HCN1: variants seen among roughly 807,000 people sequenced by gnomAD.
The protein encoded by HCN1 is potassium/sodium hyperpolarization-activated cyclic nucleotide-gated channel 1.
Under a neutral mutation model 78.9 loss-of-function variants are expected in HCN1, and 13 were observed. The observed-to-expected ratio is 0.16, with a 90% confidence interval of 0.11 to 0.26. HCN1 has a LOEUF of 0.26. Among genes scored for constraint, HCN1 ranks in the 10% least tolerant of loss-of-function variants. The probability of loss-of-function intolerance (pLI) is 1.00; values close to 1 mark genes in which losing one functional copy is unlikely to be tolerated. For synonymous variants in HCN1, 552 were observed against 455.5 expected (o/e 1.21, Z -2.70); for missense variants, 810 against 1,154.3 (o/e 0.70, Z 4.32).
intron 3 of HCN1, among the ~76,000 whole-genome samples, chr5:45,415,180 GTTAT>G (rs1181064710): frequency 6.6e-6 from 1 of 151,846 alleles, no homozygotes; most frequent in Non-Finnish European, 1.5e-5. Flanking sequence ...AAATATAGCA[GTTAT>G]TTGTTTTAAT....
chr5:45,310,470 A>G (rs970455491), intron 5 of HCN1, among the ~76,000 whole-genome samples: 3 of 152,172 alleles, frequency 2.0e-5, no homozygotes, highest in East Asian at 1.9e-4. Flanking sequence ...ATGATATACC[A>G]TCTCACATCA....
intron 5 of HCN1, among the ~76,000 whole-genome samples, chr5:45,310,103 C>T (rs893664998): frequency 6.6e-6 from 1 of 151,818 alleles, no homozygotes; most frequent in African/African-American, 2.4e-5. Flanking sequence ...GACATAAACA[C>T]GAGCAAAGAT....
chr5:45,375,338 AAT>A (rs1486925180), intron 4 of HCN1, among the ~76,000 whole-genome samples: 20 of 123,974 alleles, frequency 1.6e-4, no homozygotes, highest in Admixed American at 1.1e-3. Context: ...TATGATATAC[AAT>A]ATATATAATA....
chr5:45,581,660 C>T (rs1237125609), intron 2 of HCN1, among the ~76,000 whole-genome samples: 1 of 152,144 alleles, frequency 6.6e-6, no homozygotes, highest in Non-Finnish European at 1.5e-5. Context: ...TTAGGTCTAA[C>T]ATTTAAGTCT....
chr5:45,681,944 C>A (rs993379087), intron 1 of HCN1, among the ~76,000 whole-genome samples: 1 of 151,994 alleles, frequency 6.6e-6, no homozygotes, highest in Non-Finnish European at 1.5e-5. Flanking sequence ...GTGTTGAAGT[C>A]CTAACCCACA....
At chr5:45,484,870 C>T (rs1051352166) in intron 2 of HCN1, among the ~76,000 whole-genome samples, 37 of 152,104 alleles carry the variant, frequency 2.4e-4, no homozygotes, top group African/African-American at 8.9e-4. Context: ...TGTGCATGAG[C>T]TCACATTCAT....
intron 2 of HCN1, among the ~76,000 whole-genome samples, chr5:45,601,595 T>C (rs1454360436): frequency 6.6e-6 from 1 of 152,182 alleles, no homozygotes; most frequent in African/African-American, 2.4e-5. Flanking sequence ...CATGATCTTT[T>C]GTACACGGAC....
chr5:45,288,147 G>A (rs1745303990), intron 6 of HCN1, among the ~76,000 whole-genome samples: 1 of 151,840 alleles, frequency 6.6e-6, no homozygotes, highest in Non-Finnish European at 1.5e-5. Flanking sequence ...ACATTTCAAG[G>A]AGCTTCACAG....
chr5:45,550,474 C>T (rs1561197859), intron 2 of HCN1, among the ~76,000 whole-genome samples: 1 of 152,054 alleles, frequency 6.6e-6, no homozygotes, highest in Non-Finnish European at 1.5e-5. Flanking sequence ...GGAAGGGGAA[C>T]ATCACACACC....
intron 5 of HCN1, among the ~76,000 whole-genome samples, chr5:45,334,772 A>G (rs1746420389): frequency 6.6e-6 from 1 of 151,908 alleles, no homozygotes; most frequent in Non-Finnish European, 1.5e-5. Flanking sequence ...CCTTTACATA[A>G]TTTTGCTAAT....
intron 5 of HCN1, among the ~76,000 whole-genome samples, chr5:45,321,460 G>A (rs1746124344): frequency 6.7e-6 from 1 of 150,238 alleles, no homozygotes; most frequent in Non-Finnish European, 1.5e-5. Context: ...ACCCCACAGT[G>A]GGGCCTCCCT....
chr5:45,284,889 G>A (rs924746481), intron 6 of HCN1, among the ~76,000 whole-genome samples: 1 of 151,994 alleles, frequency 6.6e-6, no homozygotes, highest in African/African-American at 2.4e-5. Flanking sequence ...TCCTTCCTAT[G>A]CACCATAAGA....
At chr5:45,601,712 G>A (rs1348460754) in intron 2 of HCN1, among the ~76,000 whole-genome samples, 2 of 152,016 alleles carry the variant, frequency 1.3e-5, no homozygotes, top group Non-Finnish European at 2.9e-5. Flanking sequence ...CACTATTTTT[G>A]TTTGTTTAAA....
intron 2 of HCN1, among the ~76,000 whole-genome samples, chr5:45,539,078 T>C (rs1743033088): frequency 6.6e-6 from 1 of 152,194 alleles, no homozygotes; most frequent in Non-Finnish European, 1.5e-5. Flanking sequence ...TTTCTATTTG[T>C]AACTTAGCAG....
intron 2 of HCN1, among the ~76,000 whole-genome samples, chr5:45,470,926 A>C (rs1208304404): frequency 2.0e-5 from 3 of 151,894 alleles, no homozygotes; most frequent in African/African-American, 7.2e-5. Context: ...TTTCTTTAAC[A>C]TTATCATGTA....
At chr5:45,658,725 C>T (rs1197882631) in intron 1 of HCN1, among the ~76,000 whole-genome samples, 4 of 151,900 alleles carry the variant, frequency 2.6e-5, no homozygotes, top group South Asian at 2.1e-4. Flanking sequence ...CACTCCCACC[C>T]GAATATTGCA....
chr5:45,382,631 A>G (rs540278498), intron 4 of HCN1, among the ~76,000 whole-genome samples: 1 of 152,276 alleles, frequency 6.6e-6, no homozygotes, highest in African/African-American at 2.4e-5. Flanking sequence ...TATCTGTATT[A>G]TCCGTATTTC....
intron 4 of HCN1, among the ~76,000 whole-genome samples, chr5:45,392,807 T>A (rs1263251569): frequency 1.0e-4 from 15 of 150,536 alleles, no homozygotes; most frequent in Non-Finnish European, 1.6e-4. Flanking sequence ...AAAAAAGCCA[T>A]CACATAAACT....
intron 1 of HCN1, among the ~76,000 whole-genome samples, chr5:45,650,663 G>A (rs1382529934): frequency 6.6e-6 from 1 of 151,620 alleles, no homozygotes; most frequent in Non-Finnish European, 1.5e-5. Flanking sequence ...AATTTTCATA[G>A]GCCACTTATT....
Sources: allele counts gnomAD v4.1 joint callset (sites outside exome capture counted in the v4.1 genomes callset), GRCh38; gene constraint gnomAD v4.1.1; transcripts MANE v1.5; gene names NCBI Gene and HGNC (gene_info 2026-07-23, HGNC 2026-07-21).